Variants in TTC28 observed in about 807,000 individuals in gnomAD.
TTC28 encodes the protein tetratricopeptide repeat protein 28.
TTC28 carries 61 observed loss-of-function variants against 198.0 expected under a neutral mutation model. The observed-to-expected ratio is 0.31, with a 90% confidence interval of 0.25 to 0.38. The LOEUF (loss-of-function observed/expected upper bound fraction) is 0.38. TTC28 is among the 10% of genes least tolerant of loss of function. TTC28 has a pLI of 1.00. For synonymous variants in TTC28, 1,171 were observed against 1,297.8 expected, an observed-to-expected ratio of 0.90 and a Z score of 2.10; for missense variants, 2,678 against 3,164.0, an observed-to-expected ratio of 0.85 and a Z score of 3.69.
At chr22:28,334,121 G>A (rs930963791) in intron 2 of TTC28, among the ~76,000 whole-genome samples, 13 of 151,226 alleles carry the variant, frequency 8.6e-5, no homozygotes, top group Admixed American at 4.6e-4. Context: ...TTCTCCTTGC[G>A]ATAGTTTGCT....
chr22:28,015,218 A>C (rs1938317954), intron 13 of TTC28, among the ~76,000 whole-genome samples: 1 of 152,130 alleles, frequency 6.6e-6, no homozygotes, highest in Non-Finnish European at 1.5e-5. Flanking sequence ...AAGTGAGCAG[A>C]AGAGATACAG....
At chr22:27,985,545 C>T in intron 21 of TTC28, 189 bp from the exon 22 acceptor site, 1 of 491,324 alleles carries the variant, frequency 2.0e-6, no homozygotes, top group Non-Finnish European at 3.8e-6. Flanking sequence ...GGCTGCCCCA[C>T]CCAGAACATC....
At chr22:28,099,836 G>A (rs1569138314) in intron 9 of TTC28, among the ~76,000 whole-genome samples, 1 of 152,208 alleles carries the variant, frequency 6.6e-6, no homozygotes, top group Non-Finnish European at 1.5e-5. Context: ...AAATGGACGA[G>A]CCTGAGGGGA....
intron 2 of TTC28, among the ~76,000 whole-genome samples, chr22:28,536,026 G>A (rs1048025890): frequency 6.7e-6 from 1 of 149,772 alleles, no homozygotes; most frequent in Non-Finnish European, 1.5e-5. Flanking sequence ...GTGAAACCCC[G>A]TCTCTACTAG....
In TTC28 at chr22:28,578,690, C is replaced by T. The variant is rs117618733; in HGVS notation, c.381+50862G>A. ...TCCTGAATTGCCTACACCACCCTTC[C>T]CTTATCCCCTGGCAGTGCCCACGTA... On this transcript the variant is annotated intron_variant, in intron 2 of 22. Transcript: ENST00000397906. Among the ~76,000 whole-genome samples, 900 of 152,238 alleles carry T rather than the reference C, an allele frequency of 5.9e-3. 29 individuals carry two copies. In the East Asian group the frequency reaches 0.081, roughly 14 times the overall value.
At chr22:28,527,334 G>A (rs2049022425) in intron 2 of TTC28, among the ~76,000 whole-genome samples, 2 of 152,044 alleles carry the variant, frequency 1.3e-5, no homozygotes, top group Admixed American at 6.6e-5. Context: ...ATACCGAAAT[G>A]AACACCACAT....
At chr22:28,354,869 T>C (rs888772450) in intron 2 of TTC28, among the ~76,000 whole-genome samples, 1 of 151,770 alleles carries the variant, frequency 6.6e-6, no homozygotes, top group African/African-American at 2.4e-5. Context: ...CATGTGCACA[T>C]TGTGCAGGTT....
chr22:28,095,927 ATTC>A (rs1309798280), intron 11 of TTC28, among the ~76,000 whole-genome samples: 2 of 152,230 alleles, frequency 1.3e-5, no homozygotes, highest in South Asian at 2.1e-4. Context: ...AGTGAAATTA[ATTC>A]TTCTGCTTTT....
intron 2 of TTC28, among the ~76,000 whole-genome samples, chr22:28,572,483 T>C (rs1486633614): frequency 1.3e-5 from 2 of 152,168 alleles, no homozygotes; most frequent in African/African-American, 2.4e-5. Flanking sequence ...TATGACTATA[T>C]CATCAAAGTA....
At chr22:28,030,131 C>T in intron 13 of TTC28, 95 bp downstream of exon 13, 2 of 1,482,928 alleles carry the variant, frequency 1.3e-6, no homozygotes, top group Non-Finnish European at 1.8e-6. Flanking sequence ...AGCCAGAAGC[C>T]TAACCAGCTG....
At chr22:28,332,413 A>G (rs546426091) in intron 2 of TTC28, among the ~76,000 whole-genome samples, 26 of 152,026 alleles carry the variant, frequency 1.7e-4, no homozygotes, top group African/African-American at 3.9e-4. Flanking sequence ...AAAGCCCTTG[A>G]AAAAAAAGTC....
intron 5 of TTC28, among the ~76,000 whole-genome samples, chr22:28,289,191 A>T (rs1469408028): frequency 6.6e-6 from 1 of 152,206 alleles, no homozygotes; most frequent in Non-Finnish European, 1.5e-5. Flanking sequence ...ACAATGGTGA[A>T]TGCAGAAATA....
chr22:28,335,396 T>C (rs1376522189), intron 2 of TTC28, among the ~76,000 whole-genome samples: 2 of 152,178 alleles, frequency 1.3e-5, no homozygotes, highest in Non-Finnish European at 2.9e-5. Context: ...GTGAAGAAAG[T>C]CTGTGGTAGC....
chr22:28,654,695 C>T (rs973528111), intron 1 of TTC28, among the ~76,000 whole-genome samples: 11 of 152,178 alleles, frequency 7.2e-5, no homozygotes, highest in African/African-American at 2.7e-4. Context: ...CATCTTACAT[C>T]CTTTAGGATG....
intron 2 of TTC28, among the ~76,000 whole-genome samples, chr22:28,348,537 G>A (rs895451359): frequency 6.6e-6 from 1 of 152,158 alleles, no homozygotes; most frequent in East Asian, 1.9e-4. Flanking sequence ...TCACCTTAGA[G>A]GAGGTGAGGC....
intron 5 of TTC28, among the ~76,000 whole-genome samples, chr22:28,288,535 C>T (rs2044729324): frequency 6.6e-6 from 1 of 152,058 alleles, no homozygotes; most frequent in African/African-American, 2.4e-5. Flanking sequence ...AGGCTGGGCG[C>T]GGTGGCTCAC....
At chr22:28,180,138 A>G (rs973216719) in intron 5 of TTC28, among the ~76,000 whole-genome samples, 1 of 152,178 alleles carries the variant, frequency 6.6e-6, no homozygotes, top group African/African-American at 2.4e-5. Flanking sequence ...AAACTGAATC[A>G]TGTTCTTGGA....
chr22:28,141,751 A>G (rs1569159779), intron 6 of TTC28, among the ~76,000 whole-genome samples: 1 of 152,194 alleles, frequency 6.6e-6, no homozygotes, highest in Non-Finnish European at 1.5e-5. Context: ...CGACAAGTCC[A>G]AGAATTTGGT....
At chr22:28,056,438 G>A (rs1157397546) in intron 12 of TTC28, 2 of 152,074 alleles carry the variant, frequency 1.3e-5, no homozygotes, top group Non-Finnish European at 2.9e-5. Context: ...GGGAATACAG[G>A]CCCATTATCA....
Sources: gnomAD v4.1 joint callset for allele counts (sites outside exome capture counted in the v4.1 genomes callset) on GRCh38, gnomAD v4.1.1 for gene constraint, MANE v1.5 for transcripts, NCBI Gene and HGNC (gene_info 2026-07-23, HGNC 2026-07-21) for gene names.